DLG2: variants seen among roughly 807,000 people sequenced by gnomAD.
DLG2 encodes the protein disks large homolog 2.
In DLG2, 45 loss-of-function variants were observed where a neutral mutation model predicts 132.5. The observed-to-expected ratio is 0.34, with a 90% CI of 0.27 to 0.44. The LOEUF is 0.44. DLG2 is among the 20% of genes least tolerant of loss of function. The probability of loss-of-function intolerance (pLI) is 1.00; values close to 1 mark genes in which losing one functional copy is unlikely to be tolerated. For synonymous variants in DLG2, 424 were observed against 419.6 expected (o/e 1.01, Z -0.13); for missense variants, 1,045 against 1,196.9 (o/e 0.87, Z 1.87).
intron 10 of DLG2, among the ~76,000 whole-genome samples, chr11:84,064,253 T>C (rs1317028948): frequency 6.6e-6 from 1 of 152,198 alleles, no homozygotes; most frequent in Non-Finnish European, 1.5e-5. Flanking sequence ...TCCCATGCAT[T>C]ATGCATAAAA....
intron 3 of DLG2, among the ~76,000 whole-genome samples, chr11:85,294,716 A>G (rs985325874): frequency 2.6e-5 from 4 of 152,124 alleles, no homozygotes; most frequent in Admixed American, 6.6e-5. Flanking sequence ...AATGTTGAAT[A>G]CCTGAACATA....
chr11:84,484,365 C>A (rs574344827), intron 7 of DLG2, among the ~76,000 whole-genome samples: 36 of 152,270 alleles, frequency 2.4e-4, no homozygotes, highest in African/African-American at 8.7e-4. Flanking sequence ...GCCAGATACT[C>A]ACCACTCACT....
chr11:83,641,862 AGTGT>A (rs34754104), intron 18 of DLG2, among the ~76,000 whole-genome samples: 1,603 of 147,254 alleles, frequency 0.011, 16 homozygotes, highest in African/African-American at 0.022. Flanking sequence ...AGAGAGAGGG[AGTGT>A]GTGTGTGTGT....
intron 8 of DLG2, among the ~76,000 whole-genome samples, chr11:84,247,044 T>G (rs1188944392): frequency 6.6e-6 from 1 of 152,178 alleles, no homozygotes; most frequent in Admixed American, 6.6e-5. Flanking sequence ...GGAAAACTCA[T>G]GATTCTCAAG....
chr11:84,532,768 C>T (rs1193811903), intron 7 of DLG2, among the ~76,000 whole-genome samples: 1 of 152,108 alleles, frequency 6.6e-6, no homozygotes, highest in Non-Finnish European at 1.5e-5. Flanking sequence ...AATGCTGAGA[C>T]TACAGGTGCG....
At chr11:85,023,326 G>T (rs1400273334) in intron 6 of DLG2, among the ~76,000 whole-genome samples, 1 of 152,008 alleles carries the variant, frequency 6.6e-6, no homozygotes, top group African/African-American at 2.4e-5. Context: ...AAATGGGAAA[G>T]TAAAATGTAA....
chr11:85,001,170 T>C (rs531165416), intron 6 of DLG2, among the ~76,000 whole-genome samples: 39 of 151,696 alleles, frequency 2.6e-4, no homozygotes, highest in African/African-American at 9.2e-4. Flanking sequence ...TACCGCTTCC[T>C]GCAGCCTCGA....
Position 85,541,792 on chromosome 11 carries a change from C to T in DLG2, c.40+56865G>A, listed in dbSNP as rs57114118. ...AGTGCCTTTTTACTCCTCTGCCTCC[C>T]TTTCTCTTGTAATTATTCCCTATCT... On this transcript the variant is annotated intron_variant, in intron 3 of 27. Transcript: ENST00000376104. Among the ~76,000 whole-genome samples the T allele has an allele frequency of 9.2e-3, 1,395 of 152,264 alleles. 18 individuals carry two copies. The highest frequency in any genetic ancestry group is 0.03 in the African/African-American group (1,244 of 41,558).
chr11:84,556,650 G>C (rs1286794141), intron 6 of DLG2, among the ~76,000 whole-genome samples: 1 of 152,176 alleles, frequency 6.6e-6, no homozygotes, highest in Non-Finnish European at 1.5e-5. Flanking sequence ...GGACAAGCTG[G>C]GTTAGAGGGT....
At chr11:84,563,162 C>T (rs2099434152) in intron 6 of DLG2, among the ~76,000 whole-genome samples, 1 of 152,184 alleles carries the variant, frequency 6.6e-6, no homozygotes, top group African/African-American at 2.4e-5. Context: ...GCTATAAATA[C>T]ATATATGTTG....
At chr11:85,399,109 A>G (rs1420332242) in intron 3 of DLG2, among the ~76,000 whole-genome samples, 2 of 152,168 alleles carry the variant, frequency 1.3e-5, no homozygotes, top group Non-Finnish European at 2.9e-5. Flanking sequence ...AATGTGCAAA[A>G]ATCACAAGCA....
rs529357440 is a variant in DLG2 at position 84,900,955 on chromosome 11, G to A, written c.357+210706C>T. 4.6e-5 allele frequency among the ~76,000 whole-genome samples: 7 copies of A among 152,108 alleles called. No individual in the cohort carries two copies. In the East Asian group the frequency reaches 1.4e-3, roughly 29 times the overall value. The stretch of plus-strand genomic sequence containing the variant: ...TAAGAATTTATTATAATTCTCTAAA[G>A]TTCATGTTTTTCCTTCCAGCCTTTC... On this transcript the variant is annotated intron_variant, in intron 6 of 27. Coordinates refer to ENST00000376104, the MANE Select transcript of DLG2 (RefSeq NM_001142699.3).
At chr11:85,303,468 ATATT>A (rs2079736760) in intron 3 of DLG2, among the ~76,000 whole-genome samples, 2 of 152,234 alleles carry the variant, frequency 1.3e-5, no homozygotes, top group South Asian at 4.1e-4. Flanking sequence ...AATTCAATAA[ATATT>A]TATTAAGTGC....
intron 3 of DLG2, among the ~76,000 whole-genome samples, chr11:85,310,497 C>T (rs2080247775): frequency 6.6e-6 from 1 of 152,094 alleles, no homozygotes; most frequent in South Asian, 2.1e-4. Flanking sequence ...TGTCCCTTCA[C>T]CCAAGAGGCC....
chr11:84,930,620 A>G (rs2154090944), intron 6 of DLG2, among the ~76,000 whole-genome samples: 1 of 152,206 alleles, frequency 6.6e-6, no homozygotes, highest in South Asian at 2.1e-4. Context: ...ACAAACAGAG[A>G]AAACAAAAGC....
intron 3 of DLG2, among the ~76,000 whole-genome samples, chr11:85,293,054 T>C (rs1012548066): frequency 4.2e-4 from 64 of 152,236 alleles, no homozygotes; most frequent in African/African-American, 1.5e-3. Context: ...GGATATAACC[T>C]TTTTAATAAA....
intron 3 of DLG2, among the ~76,000 whole-genome samples, chr11:85,417,358 G>T (rs2089955536): frequency 6.6e-6 from 1 of 152,146 alleles, no homozygotes. Flanking sequence ...GTATTTTATT[G>T]AGGATTTTTG....
chr11:85,432,681 G>T (rs144766279), intron 3 of DLG2, among the ~76,000 whole-genome samples: 49 of 152,126 alleles, frequency 3.2e-4, no homozygotes, highest in African/African-American at 1.1e-3. Flanking sequence ...TAAAATGACC[G>T]CAGCTACAAC....
intron 6 of DLG2, among the ~76,000 whole-genome samples, chr11:84,774,442 TA>T (rs1472265277): frequency 1.7e-4 from 26 of 152,072 alleles, no homozygotes; most frequent in Admixed American, 1.7e-3. Flanking sequence ...AAAAAAAGAC[TA>T]TTCTAAAATC....
Sources: allele counts gnomAD v4.1 joint callset (sites outside exome capture counted in the v4.1 genomes callset), GRCh38; gene constraint gnomAD v4.1.1; transcripts MANE v1.5; gene names NCBI Gene and HGNC (gene_info 2026-07-23, HGNC 2026-07-21).